ANO1: variants seen among roughly 807,000 people sequenced by gnomAD.
The protein encoded by ANO1 is anoctamin 1.
ANO1 carries 59 observed loss-of-function variants against 124.0 expected under a neutral mutation model. That is an observed-to-expected ratio of 0.48 (90% CI 0.39 to 0.59). ANO1 has a LOEUF of 0.59. Ranked by LOEUF, ANO1 falls within the 20% of genes least tolerant of loss-of-function variation. The pLI, the probability that ANO1 is intolerant of heterozygous loss-of-function variation, is 0.00. For synonymous variants in ANO1, 529 were observed against 532.0 expected (o/e 0.99, Z 0.08); for missense variants, 1,059 against 1,328.0 (o/e 0.80, Z 3.15).
chr11:70,103,162 A>G lies in ANO1; in HGVS notation c.538A>G (p.Lys180Glu), dbSNP rs1461353737. The part of the protein sequence containing the change: ...EFLKLKMPTK[K>E]MYHINETRGL... ...TCTGAAACTGAAGATGCCGACGAAG[A>G]AGGTTGGTGTTGATGGTCCTGCTCC... Residue 180 changes from lysine to glutamate, a missense_variant and splice_region_variant, in exon 3 of 26, where the codon AAG becomes GAG. This residue lies in a region of ANO1 where 809 missense variants were observed against 1,094.9 expected (regional missense o/e 0.74). Transcript: ENST00000355303. The G allele has an allele frequency of 5.6e-6, 9 of 1,608,742 alleles. No homozygotes were observed. The highest frequency in any genetic ancestry group is 5.4e-5 in the African/African-American group (4 of 74,742).
chr11:70,150,212 A>G (rs2047551431), intron 12 of ANO1, among the ~76,000 whole-genome samples: 1 of 151,930 alleles, frequency 6.6e-6, no homozygotes, highest in African/African-American at 2.4e-5. Flanking sequence ...CGGGTGCCAA[A>G]CCCACGTTCC....
chr11:70,004,290 G>C (rs1481924007), intron 1 of ANO1, among the ~76,000 whole-genome samples: 1 of 113,884 alleles, frequency 8.8e-6, no homozygotes, highest in Non-Finnish European at 2.0e-5. Context: ...TTACATGAGA[G>C]AGAGTGTGTG....
intron 22 of ANO1, among the ~76,000 whole-genome samples, chr11:70,176,318 TGTATTTTTA>T (rs1360932876): frequency 6.6e-6 from 1 of 152,128 alleles, no homozygotes; most frequent in Non-Finnish European, 1.5e-5. Flanking sequence ...TGGCTAATTT[TGTATTTTTA>T]GTAGATACAA....
chr11:70,122,820 C>T (rs927300164), intron 8 of ANO1, among the ~76,000 whole-genome samples: 1 of 152,204 alleles, frequency 6.6e-6, no homozygotes, highest in Non-Finnish European at 1.5e-5. Context: ...GCATCTTCCA[C>T]CTGTCTATGG....
At position 69,994,339 on chromosome 11, in the gene ANO1, C is replaced by T. The variant is rs1055871795; in HGVS notation, c.58+8173C>T. Among the ~76,000 whole-genome samples the T allele has an allele frequency of 4.6e-5, 7 of 151,946 alleles. No homozygotes were observed. In the East Asian group the frequency reaches 7.8e-4, roughly 17 times the overall value. On this transcript the variant is annotated intron_variant, in intron 1 of 27. Transcript: ENST00000531349. ...AAAGGTGTGAATTGGTGTGTTCATT[C>T]GCCTCTCCCTGGGTGGATGGGTGGA...
At chr11:70,148,065 A>T (rs554843092) in intron 11 of ANO1, among the ~76,000 whole-genome samples, 73 of 152,234 alleles carry the variant, frequency 4.8e-4, no homozygotes, top group African/African-American at 1.7e-3. Context: ...CCTTAAAGGG[A>T]ATGGGATGTG....
upstream of ANO1, among the ~76,000 whole-genome samples, chr11:70,076,727 C>T (rs925407669): frequency 6.6e-6 from 1 of 152,198 alleles, no homozygotes; most frequent in Admixed American, 6.5e-5. Context: ...GACAAAGGGT[C>T]CTTTAGGGCC....
chr11:70,040,227 A>G (rs1857162059), intron 1 of ANO1, among the ~76,000 whole-genome samples: 1 of 152,094 alleles, frequency 6.6e-6, no homozygotes, highest in African/African-American at 2.4e-5. Context: ...TGAGCTAATC[A>G]TAAGGATTAA....
intron 5 of ANO1, 194 bp from the exon 6 acceptor site, chr11:70,108,159 C>T (rs996284364): frequency 5.7e-6 from 3 of 522,470 alleles, no homozygotes; most frequent in Non-Finnish European, 1.0e-5. Flanking sequence ...AAGCTCAAGC[C>T]TTTGACAGTG....
At chr11:69,992,049 G>T (rs987949803) in intron 1 of ANO1, among the ~76,000 whole-genome samples, 3 of 152,180 alleles carry the variant, frequency 2.0e-5, no homozygotes, top group Non-Finnish European at 2.9e-5. Context: ...GGTTTACTTG[G>T]TGGCAAGAAA....
chr11:70,054,118 C>T (rs1335244003), intron 1 of ANO1, among the ~76,000 whole-genome samples: 3 of 152,204 alleles, frequency 2.0e-5, no homozygotes, highest in African/African-American at 4.8e-5. Context: ...GCAAGAGGGG[C>T]CCCTGCCCTG....
intron 11 of ANO1, among the ~76,000 whole-genome samples, chr11:70,134,410 C>T (rs533389041): frequency 6.6e-6 from 1 of 152,330 alleles, no homozygotes; most frequent in African/African-American, 2.4e-5. Context: ...GCCCCCGGGG[C>T]TCAGACTCCC....
intron 23 of ANO1, among the ~76,000 whole-genome samples, chr11:70,181,943 A>C (rs925302423): frequency 2.6e-5 from 4 of 152,100 alleles, no homozygotes; most frequent in African/African-American, 9.7e-5. Flanking sequence ...AGGCACAGAG[A>C]GGTTAGGTGA....
chr11:70,021,986 T>C (rs530318789), intron 1 of ANO1, among the ~76,000 whole-genome samples: 1 of 152,320 alleles, frequency 6.6e-6, no homozygotes, highest in African/African-American at 2.4e-5. Context: ...GGTGTGCTGC[T>C]GTGTGCTCAG....
chr11:70,067,339 T>C (rs1857754836), intron 1 of ANO1, among the ~76,000 whole-genome samples: 2 of 149,732 alleles, frequency 1.3e-5, no homozygotes, highest in Admixed American at 6.6e-5. Context: ...TTTTTTTTTT[T>C]TTTTTTGAGA....
intron 8 of ANO1, among the ~76,000 whole-genome samples, chr11:70,120,051 C>T (rs1438208037): frequency 6.6e-6 from 1 of 152,154 alleles, no homozygotes; most frequent in East Asian, 1.9e-4. Context: ...CGGTGACAGA[C>T]TCCATGGCTT....
rs528197852 is a variant in ANO1, at chr11:70,046,570, C to T, written c.59-31972C>T. On this transcript the variant is annotated intron_variant, in intron 1 of 27. Transcript: ENST00000531349. ...TGAGATTCATGAGACTACCCGGCCA[C>T]TGAGAGAAGTGGCCAATTCCAGGTC... Among the ~76,000 whole-genome samples the T allele has an allele frequency of 3.9e-5, 6 of 152,280 alleles. No individual in the cohort carries two copies. In the East Asian group the frequency reaches 1.2e-3, roughly 29 times the overall value.
chr11:70,020,467 G>A (rs1856782328), intron 1 of ANO1, among the ~76,000 whole-genome samples: 1 of 152,190 alleles, frequency 6.6e-6, no homozygotes, highest in Non-Finnish European at 1.5e-5. Context: ...GGGGCTCCTT[G>A]AGCCTCTCTC....
intron 1 of ANO1, among the ~76,000 whole-genome samples, chr11:70,066,064 G>A (rs1857709352): frequency 1.3e-5 from 2 of 152,252 alleles, no homozygotes. Flanking sequence ...TGGGAGTAGA[G>A]CAGGGACTTG....
Sources: allele counts gnomAD v4.1 joint callset (sites outside exome capture counted in the v4.1 genomes callset), GRCh38; gene constraint gnomAD v4.1.1; regional missense constraint gnomAD v4.1.1; transcripts MANE v1.5; gene names NCBI Gene and HGNC (gene_info 2026-07-23, HGNC 2026-07-21).